Variants in SNRNP27 observed in about 807,000 individuals in gnomAD.
The protein encoded by SNRNP27 is small nuclear ribonucleoprotein U4/U6.U5 subunit 27, also known as U4/U6.U5 small nuclear ribonucleoprotein 27 kDa protein.
Under a neutral mutation model 25.1 loss-of-function variants are expected in SNRNP27, and 22 were observed. The observed-to-expected ratio is 0.88, with a 90% CI of 0.63 to 1.25. SNRNP27 has a LOEUF of 1.25. Among genes scored for constraint, SNRNP27 ranks in the 50% most tolerant of loss-of-function variants. The probability of loss-of-function intolerance (pLI) is 0.00; values close to 1 mark genes in which losing one functional copy is unlikely to be tolerated. For missense variants in SNRNP27, 150 were observed against 202.3 expected, an observed-to-expected ratio of 0.74 and a Z score of 1.57; for synonymous variants, 66 against 64.9, an observed-to-expected ratio of 1.02 and a Z score of -0.08.
At chr2:69,901,302 G>A (rs1402087474) in intron 4 of SNRNP27, among the ~76,000 whole-genome samples, 1 of 152,174 alleles carries the variant, frequency 6.6e-6, no homozygotes, top group African/African-American at 2.4e-5. Context: ...TGAACAATGG[G>A]TAATAACCAG....
intron 1 of SNRNP27, among the ~76,000 whole-genome samples, chr2:69,894,383 A>C (rs1214607762): frequency 2.0e-5 from 3 of 152,218 alleles, no homozygotes; most frequent in African/African-American, 2.4e-5. Context: ...AGAATGAGTC[A>C]TTGAGGGTAG....
chr2:69,904,512 G>A lies in SNRNP27; in HGVS notation c.*204G>A. ...TAAATATTACATTTTTTTCTTTTAG[G>A]AAATATCATTTGTGGCAGGCGTCAA... On this transcript the variant is annotated 3_prime_UTR_variant, in exon 6 of 6. Transcript: ENST00000244227. The A allele has an allele frequency of 1.6e-6, 1 of 621,138 alleles. No individual in the cohort carries two copies. The highest frequency in any genetic ancestry group is 2.8e-6 in the Non-Finnish European group (1 of 353,496). The allele number at this position is 621,138 out of a possible 1,614,324, so 38.5% of individuals were successfully genotyped here.
At position 69,896,554 on chromosome 2, in the gene SNRNP27, G is replaced by A; in HGVS notation, c.268+6G>A. 1 of 1,591,646 alleles carries A rather than the reference G, an allele frequency of 6.3e-7. No homozygotes were observed. Among genetic ancestry groups the A allele is most frequent in the East Asian group, 2.2e-5 (1 of 44,644 alleles). ...CAAAGAACGGCAGATTACTGGTAAT[G>A]TTATTAGATAAATAACTGTAGGAAA... is the stretch of plus-strand genomic sequence containing the variant. On this transcript the variant is annotated splice_donor_region_variant and intron_variant, in intron 3 of 5. Coordinates refer to ENST00000244227, the MANE Select transcript of SNRNP27 (RefSeq NM_006857.3).
chr2:69,900,578 C>T (rs1249784975), intron 4 of SNRNP27, among the ~76,000 whole-genome samples: 3 of 152,212 alleles, frequency 2.0e-5, no homozygotes, highest in African/African-American at 7.2e-5. Context: ...TCTGTGTATG[C>T]CTTTTGGCCA....
At chr2:69,903,135 T>C (rs767671206) in intron 4 of SNRNP27, 46 bp from the exon 5 acceptor site, 3 of 1,445,356 alleles carry the variant, frequency 2.1e-6, no homozygotes, top group East Asian at 2.3e-5. Flanking sequence ...CCTGATTTAA[T>C]GTATCCTTCC....
chr2:69,900,173 A>T (rs1453326420), intron 4 of SNRNP27, among the ~76,000 whole-genome samples: 1 of 152,166 alleles, frequency 6.6e-6, no homozygotes, highest in Non-Finnish European at 1.5e-5. Flanking sequence ...AGTTTTTGCC[A>T]TTGAAAATAA....
In SNRNP27 at chr2:69,896,486, A is replaced by T. The variant is rs1212477200; in HGVS notation, c.206A>T (p.Glu69Val). ...TCTCCTTCCCCTTCTCGACTGAAAG[A>T]AAGAAGAGATGAGGAAAAGAAAGAA... ...STSPSPSRLK[E>V]RRDEEKKETK... Residue 69 changes from glutamate (E) to valine (V), a missense_variant, in exon 3 of 6, where the codon GAA (glutamate) becomes GTA (valine). Transcript: ENST00000244227. 6.2e-7 allele frequency: 1 copy of T among 1,610,918 alleles called. No individual in the cohort carries two copies. Among genetic ancestry groups the T allele is most frequent in the South Asian group, 1.1e-5 (1 of 91,034 alleles).
chr2:69,896,454 A>G lies in SNRNP27; in HGVS notation c.174A>G (p.Arg58=). 6.2e-7 allele frequency: 1 copy of G among 1,612,298 alleles called. No homozygotes were observed. The highest frequency in any genetic ancestry group is 1.3e-5 in the African/African-American group (1 of 74,986). ...RRRSRSPRRH[R]STSPSPSRLK... ...ATATTAGATCTCCAAGACGACATAG[A>G]TCCACATCTCCTTCCCCTTCTCGAC... Residue 58 remains arginine (R), a synonymous_variant, in exon 3 of 6, where the codon AGA becomes AGG. Transcript: ENST00000244227.
At chr2:69,894,151 A>G in intron 1 of SNRNP27, 133 bp downstream of exon 1, 1 of 777,626 alleles carries the variant, frequency 1.3e-6, no homozygotes, top group Non-Finnish European at 2.1e-6. Flanking sequence ...CGAGGGGTGG[A>G]TAAAGGAACG....
chr2:69,901,584 C>T (rs1402213115), intron 4 of SNRNP27, among the ~76,000 whole-genome samples: 8 of 152,236 alleles, frequency 5.3e-5, no homozygotes, highest in South Asian at 2.1e-4. Context: ...GGAAGACCAA[C>T]ACAGCAGAAT....
chr2:69,895,147 A>G lies in SNRNP27; in HGVS notation c.88A>G (p.Arg30Gly). ...GGAGAGAGAACGCAGGCGCCGAGAAAGGTCCAGGTCTCGGGAGAGAGATCG... is the reference window on the plus strand; with the variant it reads ...GGAGAGAGAACGCAGGCGCCGAGAAGGGTCCAGGTCTCGGGAGAGAGATCG... ...SRERERRRRERSRSRERDRRR... is the reference protein window; with the variant it reads ...SRERERRRREGSRSRERDRRR... The change falls in exon 2 of 6, where the codon AGG (arginine) becomes GGG (glycine). Residue 30 changes from arginine (R) to glycine (G), a missense_variant. This residue lies in a region of SNRNP27 where 142 missense variants were observed against 168.6 expected (regional missense o/e 0.84). Transcript: ENST00000244227. 2 of 1,613,986 alleles carry G rather than the reference A, an allele frequency of 1.2e-6. No individual in the cohort carries two copies. The highest frequency in any genetic ancestry group is 2.2e-5 in the South Asian group (2 of 91,070).
chr2:69,896,634 C>T (rs1452919188), intron 3 of SNRNP27, 86 bp downstream of exon 3: 6 of 1,319,264 alleles, frequency 4.5e-6, no homozygotes, highest in Admixed American at 2.7e-5. Flanking sequence ...AAATGTTAAG[C>T]CTTTTATAGT....
At chr2:69,898,820 C>A (rs1676645131) in intron 4 of SNRNP27, among the ~76,000 whole-genome samples, 1 of 152,130 alleles carries the variant, frequency 6.6e-6, no homozygotes, top group South Asian at 2.1e-4. Flanking sequence ...GCTTTTTTCC[C>A]TTGAATGCCC....
At chr2:69,894,039 G>A in intron 1 of SNRNP27, 21 bp downstream of exon 1, 1 of 1,608,848 alleles carries the variant, frequency 6.2e-7, no homozygotes, top group Non-Finnish European at 8.5e-7. Flanking sequence ...TAGCAATTCG[G>A]AGGATATGGG....
intron 2 of SNRNP27, 40 bp downstream of exon 2, chr2:69,895,254 A>G (rs1676579990): frequency 6.2e-7 from 1 of 1,605,060 alleles, no homozygotes; most frequent in Non-Finnish European, 8.5e-7. Flanking sequence ...ATTTACCGAA[A>G]GTCCCTAAGA....
rs1206852450 is a variant in SNRNP27 at position 69,895,085 on chromosome 2, T to A, written c.35-9T>A. The A allele has an allele frequency of 1.1e-5, 17 of 1,611,948 alleles. No individual in the cohort carries two copies. The highest frequency in any genetic ancestry group is 1.4e-5 in the Non-Finnish European group (17 of 1,179,656). ...TATCAGTTCTGCAATTTGTGTGCGT[T>A]TGCATTAGAACGTAGGCGTTCCCGG... On this transcript the variant is annotated splice_polypyrimidine_tract_variant and intron_variant, in intron 1 of 5. Coordinates refer to ENST00000244227, the MANE Select transcript of SNRNP27 (RefSeq NM_006857.3).
At chr2:69,902,922 C>T (rs911391532) in intron 4 of SNRNP27, among the ~76,000 whole-genome samples, 1 of 146,638 alleles carries the variant, frequency 6.8e-6, no homozygotes, top group Admixed American at 6.9e-5. Context: ...TTCCTTTCTC[C>T]TCCTTTCTTC....
Position 69,903,202 on chromosome 2 carries a change from G to T in SNRNP27, c.370G>T (p.Val124Leu). The T allele has an allele frequency of 6.2e-7, 1 of 1,613,230 alleles. No individual in the cohort carries two copies. Among genetic ancestry groups the T allele is most frequent in the Non-Finnish European group, 8.5e-7 (1 of 1,179,250 alleles). ...TCAGGGTAAGAAGGTGGATGGCTCT[G>T]TAAATGCCTATGCCATAAATGTCTC... ...STKGKKVDGS[V>L]NAYAINVSQK... The change falls in exon 5 of 6, where the codon GTA becomes TTA. Residue 124 changes from valine to leucine, a missense_variant. This residue lies in a region of SNRNP27 where 142 missense variants were observed against 168.6 expected (regional missense o/e 0.84). Transcript: ENST00000244227.
At chr2:69,901,123 G>A (rs190971737) in intron 4 of SNRNP27, among the ~76,000 whole-genome samples, 38 of 151,192 alleles carry the variant, frequency 2.5e-4, no homozygotes, top group Middle Eastern at 3.4e-3. Context: ...GCAGTGAGCC[G>A]AGATTGCGCC....
Sources: gnomAD v4.1 joint callset for allele counts (sites outside exome capture counted in the v4.1 genomes callset) on GRCh38, gnomAD v4.1.1 for gene constraint, gnomAD v4.1.1 regional missense constraint, MANE v1.5 for transcripts, NCBI Gene and HGNC (gene_info 2026-07-23, HGNC 2026-07-21) for gene names.